The following SPIDR variants were observed in gnomAD, a reference collection of about 807,000 sequenced individuals.
SPIDR encodes the protein DNA repair-scaffolding protein.
A neutral mutation model predicts 104.6 loss-of-function variants in SPIDR; 93 were observed. That is an observed-to-expected ratio of 0.89 (90% confidence interval 0.75 to 1.06). The LOEUF (loss-of-function observed/expected upper bound fraction) is 1.06. Ranked by LOEUF, SPIDR falls within the 50% of genes least tolerant of loss-of-function variation. The probability of loss-of-function intolerance (pLI) is 0.00; values close to 1 mark genes in which losing one functional copy is unlikely to be tolerated. For missense variants in SPIDR, 1,154 were observed against 1,111.2 expected (o/e 1.04, Z -0.55); for synonymous variants, 431 against 416.9 (o/e 1.03, Z -0.41).
At chr8:47,511,330 G>A in intron 8 of SPIDR, 1 of 1,218,118 alleles carries the variant, frequency 8.2e-7, no homozygotes, top group South Asian at 1.2e-5. Flanking sequence ...TTGGACTGGA[G>A]AGATGGTACT....
At chr8:47,404,536 C>T (rs1563869713) in intron 6 of SPIDR, among the ~76,000 whole-genome samples, 2 of 152,142 alleles carry the variant, frequency 1.3e-5, no homozygotes, top group Non-Finnish European at 2.9e-5. Context: ...AAAAAGTGGG[C>T]AAGGGATATG....
At chr8:47,475,006 T>G (rs1287815101) in intron 8 of SPIDR, among the ~76,000 whole-genome samples, 1 of 152,260 alleles carries the variant, frequency 6.6e-6, no homozygotes, top group East Asian at 1.9e-4. Context: ...TCTGTTATGT[T>G]GCTTTAAGCT....
chr8:47,458,613 T>A (rs1770715234), intron 8 of SPIDR, among the ~76,000 whole-genome samples: 1 of 151,952 alleles, frequency 6.6e-6, no homozygotes, highest in African/African-American at 2.4e-5. Flanking sequence ...TCTTTACTGA[T>A]CTAGATGCCT....
At chr8:47,606,529 A>C (rs923026603) in intron 10 of SPIDR, among the ~76,000 whole-genome samples, 6 of 152,064 alleles carry the variant, frequency 3.9e-5, no homozygotes, top group East Asian at 1.9e-4. Flanking sequence ...CCATCTCAAA[A>C]AAACAAACAA....
rs543861620 is a variant in SPIDR at position 47,713,157 on chromosome 8, A to G, written c.2188+285A>G. ...CAAACAAACCAAAAGCTAGAATATTATAAATGCGTATACTTAGATCAGCCA... is the reference window on the plus strand; with the variant it reads ...CAAACAAACCAAAAGCTAGAATATTGTAAATGCGTATACTTAGATCAGCCA... On this transcript the variant is annotated intron_variant, in intron 15 of 19. Transcript: ENST00000297423. 3.2e-5 allele frequency: 22 copies of G among 697,760 alleles called. No individual in the cohort carries two copies. The South Asian group carries it at 6.1e-4, about 19-fold the overall frequency. 43.2% of individuals were successfully genotyped at this position (697,760 alleles called of 1,614,324 possible).
chr8:47,660,465 A>C, intron 10 of SPIDR: 1 of 985,404 alleles, frequency 1.0e-6, no homozygotes, highest in African/African-American at 1.7e-5. Context: ...CATGGCTCAG[A>C]AATGCACAGA....
chr8:47,468,481 G>GTA (rs2075229442), intron 8 of SPIDR, among the ~76,000 whole-genome samples: 3 of 152,138 alleles, frequency 2.0e-5, no homozygotes, highest in Admixed American at 2.0e-4. Context: ...AACAAAGACA[G>GTA]TATAGTACTG....
chr8:47,317,518 C>T (rs1335636087), intron 5 of SPIDR, among the ~76,000 whole-genome samples: 1 of 152,096 alleles, frequency 6.6e-6, no homozygotes, highest in Non-Finnish European at 1.5e-5. Context: ...TAGACTCCAC[C>T]TCTGGAGGCA....
rs1410735164 is a variant in SPIDR, at chr8:47,353,337, G to A, written c.526-43039G>A. Among the ~76,000 whole-genome samples, 4 of 152,136 alleles carry A rather than the reference G, an allele frequency of 2.6e-5. No individual in the cohort carries two copies. In the East Asian group the frequency reaches 5.8e-4, roughly 22 times the overall value. ...GACATAACTTCACCGCCTCTTACCT[G>A]CTCCAGCTGCAACGCGTGAGAGTGC... On this transcript the variant is annotated intron_variant, in intron 5 of 19. Transcript: ENST00000297423.
At chr8:47,515,633 TCC>T (rs1257442114) in intron 8 of SPIDR, among the ~76,000 whole-genome samples, 1 of 152,228 alleles carries the variant, frequency 6.6e-6, no homozygotes, top group Non-Finnish European at 1.5e-5. Flanking sequence ...TGTCTCTCAT[TCC>T]CAGTACTGTA....
Position 47,701,828 on chromosome 8 carries a change from G to C in SPIDR, c.1881G>C (p.Gln627His). 1.2e-6 allele frequency: 2 copies of C among 1,614,088 alleles called. No homozygotes were observed. The highest frequency in any genetic ancestry group is 1.7e-6 in the Non-Finnish European group (2 of 1,180,016). Residue 627 changes from glutamine to histidine, a missense_variant, in exon 13 of 20, where the codon CAG becomes CAC. Gln to His is a conservative substitution (Grantham distance 24). Coordinates refer to ENST00000297423, the MANE Select transcript of SPIDR (RefSeq NM_001080394.4). ...IDEDPIYKLY[Q>H]PPVTRCLRDI... ...AAGACCCCATTTATAAGCTTTACCA[G>C]CCTCCAGTTACCCGCTGCTTAAGAG... is the stretch of plus-strand genomic sequence containing the variant.
intron 5 of SPIDR, among the ~76,000 whole-genome samples, chr8:47,294,821 C>T (rs987093117): frequency 6.6e-6 from 1 of 152,062 alleles, no homozygotes; most frequent in African/African-American, 2.4e-5. Flanking sequence ...TGTATGTTAA[C>T]TCTTTTCTGC....
At chr8:47,452,448 A>G (rs540551445) in intron 8 of SPIDR, among the ~76,000 whole-genome samples, 17 of 152,350 alleles carry the variant, frequency 1.1e-4, no homozygotes, top group South Asian at 2.1e-4. Flanking sequence ...ATGAACATCA[A>G]TGCAGAAATC....
chr8:47,491,966 A>T (rs1287258722), intron 8 of SPIDR, among the ~76,000 whole-genome samples: 1 of 152,210 alleles, frequency 6.6e-6, no homozygotes, highest in African/African-American at 2.4e-5. Flanking sequence ...GCCAGGCCCC[A>T]GAAGGCCAGG....
intron 8 of SPIDR, among the ~76,000 whole-genome samples, chr8:47,475,373 ATACT>A (rs1331828605): frequency 6.6e-6 from 1 of 152,382 alleles, no homozygotes; most frequent in African/African-American, 2.4e-5. Context: ...CTGTTGTCTC[ATACT>A]TACTTTATTT....
chr8:47,445,395 A>G (rs1239404528), intron 8 of SPIDR, among the ~76,000 whole-genome samples: 2 of 152,180 alleles, frequency 1.3e-5, no homozygotes, highest in African/African-American at 4.8e-5. Flanking sequence ...CTTAATTGAT[A>G]AATACTGTGT....
chr8:47,659,529 A>C (rs895258467), intron 10 of SPIDR: 2 of 155,914 alleles, frequency 1.3e-5, no homozygotes, highest in Admixed American at 1.3e-4. Context: ...GAAGAAGAAC[A>C]CAATGTCCTG....
At chr8:47,540,286 A>G (rs1017676055) in intron 8 of SPIDR, among the ~76,000 whole-genome samples, 2 of 152,220 alleles carry the variant, frequency 1.3e-5, no homozygotes, top group Non-Finnish European at 1.5e-5. Flanking sequence ...AGGGGAAAAT[A>G]AATATTGATG....
intron 16 of SPIDR, among the ~76,000 whole-genome samples, chr8:47,717,783 G>GA (rs1454634522): frequency 3.9e-5 from 6 of 152,188 alleles, no homozygotes; most frequent in African/African-American, 1.2e-4. Context: ...TAATCAATAG[G>GA]CAGTTTGATC....
Sources: gnomAD v4.1 joint callset for allele counts (sites outside exome capture counted in the v4.1 genomes callset) on GRCh38, gnomAD v4.1.1 for gene constraint, MANE v1.5 for transcripts, NCBI Gene and HGNC (gene_info 2026-07-23, HGNC 2026-07-21) for gene names.